The following CYFIP2 variants were observed in gnomAD, a reference collection of about 807,000 sequenced individuals.
The protein encoded by CYFIP2 is cytoplasmic FMR1 interacting protein 2.
In CYFIP2, 29 loss-of-function variants were observed where a neutral mutation model predicts 158.7. The ratio of observed to expected loss-of-function variants is 0.18; its 90% CI spans 0.14 to 0.25. CYFIP2 has a LOEUF of 0.25. Among genes scored for constraint, CYFIP2 ranks in the 10% least tolerant of loss-of-function variants. The pLI, the probability that CYFIP2 is intolerant of heterozygous loss-of-function variation, is 1.00. For missense variants in CYFIP2, 852 were observed against 1,639.5 expected (o/e 0.52, Z 8.29); for synonymous variants, 585 against 617.6 (o/e 0.95, Z 0.78).
At chr5:157,330,107 TAG>T (rs1302825571) in intron 19 of CYFIP2, among the ~76,000 whole-genome samples, 4 of 152,220 alleles carry the variant, frequency 2.6e-5, no homozygotes, top group Non-Finnish European at 5.9e-5. Context: ...AAAACTTCTT[TAG>T]AGAGACTTTG....
chr5:157,271,205 G>C (rs1314121697), intron 1 of CYFIP2, among the ~76,000 whole-genome samples: 1 of 152,192 alleles, frequency 6.6e-6, no homozygotes, highest in Non-Finnish European at 1.5e-5. Context: ...CACAAAGGAA[G>C]AGTATCCTTG....
At chr5:157,318,061 A>C (rs1288398816) in intron 13 of CYFIP2, among the ~76,000 whole-genome samples, 4 of 152,188 alleles carry the variant, frequency 2.6e-5, no homozygotes, top group Non-Finnish European at 1.5e-5. Context: ...TTTTTAAAAA[A>C]TCGGGTTTCT....
At chr5:157,309,684 A>C in intron 9 of CYFIP2, 59 bp from the exon 10 acceptor site, 1 of 1,477,546 alleles carries the variant, frequency 6.8e-7, no homozygotes, top group Non-Finnish European at 9.3e-7. Context: ...GGTGGCAGCG[A>C]AGGCAGCCAC....
intron 10 of CYFIP2, chr5:157,310,924 G>A: frequency 2.2e-6 from 1 of 450,606 alleles, no homozygotes; most frequent in South Asian, 1.6e-5. Flanking sequence ...GGGTAGAAGA[G>A]GGTGAAGGGA....
Position 157,339,213 on chromosome 5 carries a change from T to G in CYFIP2, c.2542T>G (p.Phe848Val). The stretch of plus-strand genomic sequence containing the variant: ...CCTGCATGTCTTCTGGGAACTGAAC[T>G]TTGACTTTCTCCCCAACTACTGCTA... ...ITLHVFWELN[F>V]DFLPNYCYNG... Residue 848 changes from phenylalanine (F) to valine (V), a missense_variant, in exon 22 of 31, where the codon TTT (phenylalanine) becomes GTT (valine). Around this residue, in one of 8 missense-constraint regions of CYFIP2, gnomAD observed 191 missense variants for 311.2 expected, o/e 0.61. Transcript: ENST00000620254. 1 of 1,614,032 alleles carries G rather than the reference T, an allele frequency of 6.2e-7. No individual in the cohort carries two copies. The highest frequency in any genetic ancestry group is 8.5e-7 in the Non-Finnish European group (1 of 1,179,914).
At chr5:157,269,672 C>T (rs1755916724) in intron 1 of CYFIP2, 1 of 152,174 alleles carries the variant, frequency 6.6e-6, no homozygotes. Context: ...GGGTAAATGC[C>T]CTCCATTCCT....
In CYFIP2 at chr5:157,395,352, T is replaced by C. The variant is rs1581223182; in HGVS notation, c.*2352T>C. Reference sequence around the variant, plus strand: ...GTTTTAAAAAGTTTTAAAAATAATCTGTTTCAGAAACTGTCAAATGTACCA... The same window carrying C: ...GTTTTAAAAAGTTTTAAAAATAATCCGTTTCAGAAACTGTCAAATGTACCA... On this transcript the variant is annotated 3_prime_UTR_variant, in exon 31 of 31. Coordinates refer to ENST00000620254, the MANE Select transcript of CYFIP2 (RefSeq NM_001037333.3). 3.4e-6 allele frequency: 1 copy of C among 297,802 alleles called. No homozygotes were observed. Among genetic ancestry groups the C allele is most frequent in the East Asian group, 1.1e-4 (1 of 9,098 alleles). The allele number at this position is 297,802 out of a possible 1,614,324, so 18.4% of individuals were successfully genotyped here. A position where few individuals can be genotyped will look rare whatever the true frequency, so the allele number is the denominator to read the frequency against.
At chr5:157,291,267 A>G (rs1289475213) in intron 3 of CYFIP2, among the ~76,000 whole-genome samples, 1 of 152,232 alleles carries the variant, frequency 6.6e-6, no homozygotes, top group African/African-American at 2.4e-5. Context: ...TTTACCTCCA[A>G]GTAAGGAAAC....
chr5:157,365,349 A>C (rs1764264441), intron 26 of CYFIP2: 1 of 152,172 alleles, frequency 6.6e-6, no homozygotes, highest in African/African-American at 2.4e-5. Context: ...CCTTTTTTTA[A>C]AAAACAGATT....
In CYFIP2 at chr5:157,394,482, G is replaced by A. The variant is rs573794164; in HGVS notation, c.*1482G>A. 2 of 152,182 alleles carry A rather than the reference G, an allele frequency of 1.3e-5. No homozygotes were observed. Among genetic ancestry groups the A allele is most frequent in the African/African-American group, 4.8e-5 (2 of 41,442 alleles). 9.4% of individuals were successfully genotyped at this position (152,182 alleles called of 1,614,324 possible). On this transcript the variant is annotated 3_prime_UTR_variant, in exon 31 of 31. Transcript: ENST00000620254. ...TTTGTGTGATGCACTTATGTCCTCC[G>A]GTGAGGAAAGGGGGCCACATATGAA...
intron 23 of CYFIP2, among the ~76,000 whole-genome samples, chr5:157,347,012 G>C (rs575355604): frequency 2.0e-4 from 30 of 152,290 alleles, no homozygotes; most frequent in African/African-American, 7.0e-4. Flanking sequence ...GGTGTGTCTG[G>C]AATAGAGGGT....
chr5:157,286,997 T>C (rs761657699), intron 2 of CYFIP2, 22 bp from the exon 3 acceptor site: 47 of 1,605,268 alleles, frequency 2.9e-5, no homozygotes, highest in Non-Finnish European at 3.4e-6. Flanking sequence ...AACCAAAATG[T>C]TCCTGTCCTC....
At chr5:157,362,963 ACAC>A (rs1323563869) in intron 26 of CYFIP2, 1 of 152,264 alleles carries the variant, frequency 6.6e-6, no homozygotes, top group African/African-American at 2.4e-5. Flanking sequence ...CCAGAAAGAT[ACAC>A]CACATGTAAA....
intron 13 of CYFIP2, 32 bp downstream of exon 13, chr5:157,315,126 C>G: frequency 6.2e-7 from 1 of 1,611,278 alleles, no homozygotes; most frequent in East Asian, 2.2e-5. Context: ...CTCCCTCCCT[C>G]CCCAAGGCTG....
At chr5:157,309,010 G>A (rs944890224) in intron 9 of CYFIP2, among the ~76,000 whole-genome samples, 4 of 152,288 alleles carry the variant, frequency 2.6e-5, no homozygotes, top group South Asian at 2.1e-4. Flanking sequence ...ATTCAGTGGG[G>A]TTACATAGAT....
At chr5:157,390,372 T>C in intron 29 of CYFIP2, 149 bp from the exon 30 acceptor site, 1 of 655,788 alleles carries the variant, frequency 1.5e-6, no homozygotes, top group Non-Finnish European at 2.5e-6. Flanking sequence ...CCCTCACAGC[T>C]TCCTTTGTAC....
At position 157,392,980 on chromosome 5, in the gene CYFIP2, T is replaced by C; in HGVS notation, c.3742T>C (p.Ser1248Pro). The change falls in exon 31 of 31, where the codon TCC becomes CCC. Residue 1248 changes from serine to proline, a missense_variant. Physicochemically the swap from Ser to Pro is moderately conservative, Grantham distance 74. Coordinates refer to ENST00000620254, the MANE Select transcript of CYFIP2 (RefSeq NM_001037333.3). ...CTGCTTCCAGCCACCCATCCACCAG[T>C]CCTTGGCCACCACTTGCTAAGCAGA... The part of the protein sequence containing the change: ...VRCFQPPIHQ[S>P]LATTC The C allele has an allele frequency of 1.2e-6, 2 of 1,613,850 alleles. No homozygotes were observed. Among genetic ancestry groups the C allele is most frequent in the South Asian group, 1.1e-5 (1 of 91,072 alleles).
chr5:157,337,851 T>G (rs977594407), intron 21 of CYFIP2, among the ~76,000 whole-genome samples: 2 of 152,262 alleles, frequency 1.3e-5, no homozygotes, highest in African/African-American at 2.4e-5. Context: ...CTTGCATCCT[T>G]GTTCCAGGGA....
rs1763812132 is a variant in CYFIP2, at chr5:157,361,363, T to C, written c.2909-105T>C. The C allele has an allele frequency of 1.3e-6, 2 of 1,498,092 alleles. No homozygotes were observed. Among genetic ancestry groups the C allele is most frequent in the Admixed American group, 1.8e-5 (1 of 55,050 alleles). 92.8% of individuals were successfully genotyped at this position (1,498,092 alleles called of 1,614,324 possible). On this transcript the variant is annotated intron_variant, in intron 25 of 30. Transcript: ENST00000620254. The surrounding 1 kb of genome is among the most constrained non-coding windows in gnomAD (Gnocchi z 4.4). ...TAAGAGGGATGCGTGGTTTGGCTTT[T>C]TGCTATCCCAGAGTCAGGTCTGGGG...
Sources: allele counts gnomAD v4.1 joint callset (sites outside exome capture counted in the v4.1 genomes callset), GRCh38; gene constraint gnomAD v4.1.1; regional missense constraint gnomAD v4.1.1; non-coding constraint Gnocchi (gnomAD v3.1); transcripts MANE v1.5; gene names NCBI Gene and HGNC (gene_info 2026-07-23, HGNC 2026-07-21).